DHX40: variants seen among roughly 807,000 people sequenced by gnomAD.
DHX40 encodes the protein probable ATP-dependent RNA helicase DHX40.
DHX40 carries 28 observed loss-of-function variants against 89.6 expected under a neutral mutation model. The ratio of observed to expected loss-of-function variants is 0.31; its 90% CI spans 0.23 to 0.43. The LOEUF is 0.43. DHX40 is among the 20% of genes least tolerant of loss of function. The pLI, the probability that DHX40 is intolerant of heterozygous loss-of-function variation, is 1.00. For missense variants in DHX40, 457 were observed against 844.0 expected (o/e 0.54, Z 5.68); for synonymous variants, 226 against 283.6 (o/e 0.80, Z 2.04).
In DHX40 at chr17:59,565,689, A is replaced by C; in HGVS notation, c.18A>C (p.Ala6=). 6.2e-7 allele frequency: 1 copy of C among 1,602,060 alleles called. No individual in the cohort carries two copies. Among genetic ancestry groups the C allele is most frequent in the South Asian group, 1.1e-5 (1 of 91,032 alleles). ...CCAGGTCTATGTCCCGGTTTCCCGCAGTCGCGGGCAGGGCGCCAAGGCGGC... is the reference window on the plus strand; with the variant it reads ...CCAGGTCTATGTCCCGGTTTCCCGCCGTCGCGGGCAGGGCGCCAAGGCGGC... The part of the protein sequence containing the change: MSRFP[A]VAGRAPRRQE... The change falls in exon 1 of 18, where the codon GCA becomes GCC. Residue 6 remains alanine (A), a synonymous_variant. Transcript: ENST00000251241.
chr17:59,576,627 T>G (rs1262890994), intron 7 of DHX40, among the ~76,000 whole-genome samples: 1 of 152,060 alleles, frequency 6.6e-6, no homozygotes, highest in African/African-American at 2.4e-5. Flanking sequence ...ATTTTAGATT[T>G]TGTCATCTTC....
chr17:59,577,422 G>A, intron 8 of DHX40, 57 bp downstream of exon 8: 1 of 1,417,748 alleles, frequency 7.1e-7, no homozygotes, highest in Non-Finnish European at 9.9e-7. Flanking sequence ...CTAAACATTA[G>A]CTAAACATTA....
rs1324274233 is a variant in DHX40, at chr17:59,607,565, C to A, written c.*393C>A. 2 of 428,898 alleles carry A rather than the reference C, an allele frequency of 4.7e-6. No homozygotes were observed. Among genetic ancestry groups the A allele is most frequent in the African/African-American group, 3.9e-5 (2 of 50,982 alleles). The allele number at this position is 428,898 out of a possible 1,614,324, so 26.6% of individuals were successfully genotyped here. ...CATTAAAAATTATTTTTCTTAAAAT[C>A]TCTTTAAGGCCTTCTTGTTGCTGTT... On this transcript the variant is annotated 3_prime_UTR_variant, in exon 18 of 18. Transcript: ENST00000251241.
chr17:59,568,035 C>T (rs561301709), intron 2 of DHX40, among the ~76,000 whole-genome samples: 28 of 151,980 alleles, frequency 1.8e-4, no homozygotes, highest in African/African-American at 6.8e-4. Context: ...CAGTTCGAGA[C>T]CAGCCTGGCC....
At chr17:59,586,980 C>T (rs902962183) in intron 11 of DHX40, among the ~76,000 whole-genome samples, 5 of 151,930 alleles carry the variant, frequency 3.3e-5, no homozygotes, top group Middle Eastern at 3.2e-3. Flanking sequence ...ATAGTAAAAC[C>T]CATCTCTACT....
At chr17:59,605,257 T>C in intron 16 of DHX40, 73 bp downstream of exon 16, 1 of 1,469,270 alleles carries the variant, frequency 6.8e-7, no homozygotes, top group Non-Finnish European at 9.4e-7. Context: ...AAATGTCTTC[T>C]ACTTTTCACT....
At chr17:59,571,264 C>A (rs2048803597) in intron 3 of DHX40, among the ~76,000 whole-genome samples, 1 of 151,944 alleles carries the variant, frequency 6.6e-6, no homozygotes, top group South Asian at 2.1e-4. Flanking sequence ...TCGAGACCAG[C>A]CTGACCAACA....
chr17:59,588,100 G>C (rs780689358), intron 12 of DHX40, 47 bp downstream of exon 12: 10 of 1,604,688 alleles, frequency 6.2e-6, no homozygotes, highest in Non-Finnish European at 8.5e-6. Flanking sequence ...AATAGACTTG[G>C]CTGGGCACGG....
At chr17:59,573,682 A>G (rs1338273268) in intron 4 of DHX40, 58 bp from the exon 5 acceptor site, 1 of 1,551,286 alleles carries the variant, frequency 6.4e-7, no homozygotes, top group East Asian at 2.3e-5. Context: ...CAGTGTATCT[A>G]AAATAGTTTG....
At chr17:59,566,488 A>G in intron 1 of DHX40, 139 bp from the exon 2 acceptor site, 2 of 806,872 alleles carry the variant, frequency 2.5e-6, no homozygotes, top group Non-Finnish European at 3.7e-6. Flanking sequence ...GCTCACTTAC[A>G]TGAGCGATTT....
At chr17:59,569,016 C>A (rs1246923415) in intron 2 of DHX40, among the ~76,000 whole-genome samples, 1 of 152,044 alleles carries the variant, frequency 6.6e-6, no homozygotes, top group Non-Finnish European at 1.5e-5. Context: ...CTGCTCCCAG[C>A]AGAAAGGTGG....
rs922242973 is a variant in DHX40 at position 59,570,661 on chromosome 17, A to G, written c.424A>G (p.Lys142Glu). Residue 142 changes from lysine (K) to glutamate (E), a missense_variant and splice_region_variant, in exon 3 of 18, where the codon AAG becomes GAG. Around this residue, in one of 9 missense-constraint regions of DHX40, gnomAD observed 61 missense variants for 100.4 expected, o/e 0.61. Coordinates refer to ENST00000251241, the MANE Select transcript of DHX40 (RefSeq NM_024612.5). ...YQVRFDDCSS[K>E]ETAIKYMTDG... ...AGTTCGTTTTGATGATTGCAGTTCT[A>G]AGGTACAAAAGTCTTGTTGGTATTT... 6.2e-7 allele frequency: 1 copy of G among 1,604,920 alleles called. No individual in the cohort carries two copies. The highest frequency in any genetic ancestry group is 8.5e-7 in the Non-Finnish European group (1 of 1,175,706).
rs568321506 is a variant in DHX40, at chr17:59,607,646, G to C, written c.*474G>C. 74 of 201,062 alleles carry C rather than the reference G, an allele frequency of 3.7e-4. 1 individual carries two copies. The highest frequency in any genetic ancestry group is 2.6e-3 in the Admixed American group (49 of 18,508). 12.5% of individuals were successfully genotyped at this position (201,062 alleles called of 1,614,324 possible). ...ATTTATTTCAGAAGGCTGAACATAA[G>C]AGGTTTCTACTCAGCAATACTTAGA... On this transcript the variant is annotated 3_prime_UTR_variant, in exon 18 of 18. Coordinates refer to ENST00000251241, the MANE Select transcript of DHX40 (RefSeq NM_024612.5).
chr17:59,591,849 T>C (rs1363381118), intron 12 of DHX40, among the ~76,000 whole-genome samples: 1 of 151,814 alleles, frequency 6.6e-6, no homozygotes, highest in Non-Finnish European at 1.5e-5. Flanking sequence ...TTAACCATAG[T>C]ACATTAATCA....
chr17:59,594,085 C>T (rs1184976291), intron 12 of DHX40, among the ~76,000 whole-genome samples: 1 of 152,166 alleles, frequency 6.6e-6, no homozygotes, highest in Non-Finnish European at 1.5e-5. Flanking sequence ...CTCAGACATT[C>T]CCTCTCTATT....
intron 12 of DHX40, among the ~76,000 whole-genome samples, chr17:59,597,794 G>T (rs1211045263): frequency 6.6e-6 from 1 of 151,324 alleles, no homozygotes; most frequent in Admixed American, 6.6e-5. Flanking sequence ...AATTAGCCGG[G>T]CGCGGTGGCG....
rs571597457 is a variant in DHX40, at chr17:59,573,303, T to C, written c.546+68T>C. On this transcript the variant is annotated intron_variant, in intron 4 of 17. Transcript: ENST00000251241. The stretch of plus-strand genomic sequence containing the variant: ...TTTGTTTGGGTAGCTTTTTATTGTG[T>C]AGAGAATTGCCTCCTCTTACTTTTT... 149 of 1,361,500 alleles carry C rather than the reference T, an allele frequency of 1.1e-4. No individual in the cohort carries two copies. The East Asian group carries it at 3.7e-3, about 34-fold the overall frequency. The allele number at this position is 1,361,500 out of a possible 1,614,324, so 84.3% of individuals were successfully genotyped here.
At chr17:59,571,694 G>T (rs1189724835) in intron 3 of DHX40, among the ~76,000 whole-genome samples, 1 of 151,420 alleles carries the variant, frequency 6.6e-6, no homozygotes, top group Non-Finnish European at 1.5e-5. Context: ...AGGTTCTAGT[G>T]ATTCTCCTGC....
chr17:59,595,322 A>G (rs2029964026), intron 12 of DHX40, among the ~76,000 whole-genome samples: 1 of 152,016 alleles, frequency 6.6e-6, no homozygotes, highest in African/African-American at 2.4e-5. Flanking sequence ...ACCTCAGGTG[A>G]TCCTCCTGCC....
Sources: gnomAD v4.1 joint callset for allele counts (sites outside exome capture counted in the v4.1 genomes callset) on GRCh38, gnomAD v4.1.1 for gene constraint, gnomAD v4.1.1 regional missense constraint, MANE v1.5 for transcripts, NCBI Gene and HGNC (gene_info 2026-07-23, HGNC 2026-07-21) for gene names.